Variants in CYP21A2 observed in about 807,000 individuals in gnomAD.
CYP21A2 encodes the protein steroid 21-hydroxylase.
CYP21A2 carries 24 observed loss-of-function variants against 47.4 expected under a neutral mutation model. The ratio of observed to expected loss-of-function variants is 0.51; its 90% confidence interval spans 0.37 to 0.71. The LOEUF is 0.71. Among genes scored for constraint, CYP21A2 ranks in the 30% least tolerant of loss-of-function variants. The pLI, the probability that CYP21A2 is intolerant of heterozygous loss-of-function variation, is 0.00. For missense variants in CYP21A2, 358 were observed against 643.2 expected (o/e 0.56, Z 4.80); for synonymous variants, 130 against 273.9 (o/e 0.47, Z 5.19).
Position 32,039,092 on chromosome 6 carries a change from A to G in CYP21A2, c.293-2A>G, listed in dbSNP as rs1582302625. 1 of 1,564,110 alleles carries G rather than the reference A, an allele frequency of 6.4e-7. No individual in the cohort carries two copies. The highest frequency in any genetic ancestry group is 2.4e-5 in the East Asian group (1 of 41,870). ...CCCTCCAGCCCCCACCTCCTCCTGC[A>G]GACAAGCTGGTGTCTAGGAACTACC... On this transcript the variant is annotated splice_acceptor_variant, in intron 2 of 9. Coordinates refer to ENST00000644719, the MANE Select transcript of CYP21A2 (RefSeq NM_000500.9). LOFTEE classifies it high-confidence loss of function.
chr6:32,038,514 C>T lies in CYP21A2; in HGVS notation c.92C>T (p.Pro31Leu), dbSNP rs9378251. The change falls in exon 1 of 10, where the codon CCG becomes CTG. Residue 31 changes from proline (P) to leucine (L), a missense_variant. Coordinates refer to ENST00000644719, the MANE Select transcript of CYP21A2 (RefSeq NM_000500.9). ...NWWKLRSLHL[P>L]PLAPGFLHLL... ...TGGAAGCTCCGGAGCCTCCACCTCC[C>T]GCCTCTTGCCCCGGGCTTCTTGCAC... The T allele has an allele frequency of 1.4e-4, 227 of 1,607,244 alleles. 2 individuals carry two copies. The highest frequency in any genetic ancestry group is 5.3e-4 in the African/African-American group (40 of 74,834).
At position 32,039,540 on chromosome 6, in the gene CYP21A2, T is replaced by C; in HGVS notation, c.550-6T>C. ...GAACTGAAAGTACTCCCTCCTTTTC[T>C]GGCAGGACGACAACTTAATGCCTGC... On this transcript the variant is annotated splice_region_variant and splice_polypyrimidine_tract_variant and intron_variant, in intron 4 of 9. Coordinates refer to ENST00000644719, the MANE Select transcript of CYP21A2 (RefSeq NM_000500.9). 3 of 1,585,506 alleles carry C rather than the reference T, an allele frequency of 1.9e-6. No individual in the cohort carries two copies. The highest frequency in any genetic ancestry group is 8.6e-7 in the Non-Finnish European group (1 of 1,164,704).
rs1243779391 is a variant in CYP21A2, at chr6:32,040,189, T to C, written c.923T>C (p.Leu308Ser). The C allele has an allele frequency of 6.2e-7, 1 of 1,612,786 alleles. No individual in the cohort carries two copies. Among genetic ancestry groups the C allele is most frequent in the Non-Finnish European group, 8.5e-7 (1 of 1,179,874 alleles). ...ACCCTCTCCTGGGCCGTGGTTTTTT[T>C]GCTTCACCACCCTGAGGTGCGTCCT... ...ANTLSWAVVF[L>S]LHHPEIQQRL... Residue 308 changes from leucine (L) to serine (S), a missense_variant, in exon 7 of 10, where the codon TTG becomes TCG. Transcript: ENST00000644719.
At position 32,039,164 on chromosome 6, in the gene CYP21A2, G is replaced by A. The variant is rs1186559414; in HGVS notation, c.363G>A (p.Lys121=). The part of the protein sequence containing the change: ...GDYSLLWKAH[K]KLTRSALLLG... ...ACTCCCTGCTCTGGAAAGCCCACAA[G>A]AAGCTCACCCGCTCAGCCCTGCTGC... Residue 121 remains lysine, a synonymous_variant, in exon 3 of 10, where the codon AAG becomes AAA. Transcript: ENST00000644719. 2 of 1,605,264 alleles carry A rather than the reference G, an allele frequency of 1.2e-6. No individual in the cohort carries two copies. The highest frequency in any genetic ancestry group is 1.7e-6 in the Non-Finnish European group (2 of 1,175,712).
Position 32,040,047 on chromosome 6 carries a change from A to G in CYP21A2, c.781A>G (p.Met261Val), listed in dbSNP as rs767558605. Residue 261 changes from methionine to valine, a missense_variant, in exon 7 of 10, where the codon ATG (methionine) becomes GTG (valine). Physicochemically the swap from Met to Val is conservative, Grantham distance 21. Coordinates refer to ENST00000644719, the MANE Select transcript of CYP21A2 (RefSeq NM_000500.9). The stretch of plus-strand genomic sequence containing the variant: ...CCAGTGGAGGGACATGATGGACTAC[A>G]TGCTCCAAGGGGTGGCGCAGCCGAG... ...AGQWRDMMDY[M>V]LQGVAQPSME... is the part of the protein sequence containing the mutation. 2.5e-6 allele frequency: 4 copies of G among 1,612,720 alleles called. No homozygotes were observed. The highest frequency in any genetic ancestry group is 1.1e-5 in the South Asian group (1 of 91,072).
At position 32,038,588 on chromosome 6, in the gene CYP21A2, T is replaced by G; in HGVS notation, c.166T>G (p.Phe56Val). The G allele has an allele frequency of 6.3e-7, 1 of 1,589,676 alleles. No homozygotes were observed. The highest frequency in any genetic ancestry group is 8.6e-7 in the Non-Finnish European group (1 of 1,166,962). The change falls in exon 1 of 10, where the codon TTC becomes GTC. Residue 56 changes from phenylalanine to valine, a missense_variant. Phe to Val is a conservative substitution (Grantham distance 50). Transcript: ENST00000644719. The stretch of plus-strand genomic sequence containing the variant: ...CTATCTGCTTGGCCTGACTCAGAAA[T>G]TCGGGCCCATCTACAGGCTCCACCT... ...PIYLLGLTQK[F>V]GPIYRLHLGL...
chr6:32,039,329 T>C lies in CYP21A2; in HGVS notation c.448-27T>C, dbSNP rs1554304920. 4 of 1,595,740 alleles carry C rather than the reference T, an allele frequency of 2.5e-6. No homozygotes were observed. The South Asian group carries it at 3.4e-5, about 13-fold the overall frequency. ...CCGCCCTGCCCGCTGCACAGCGGCC[T>C]GCTGAACTCACACTGTTTCTCCACA... On this transcript the variant is annotated intron_variant, in intron 3 of 9. Transcript: ENST00000644719.
At chr6:32,039,037 C>G (rs1336664162) in intron 2 of CYP21A2, 57 bp from the exon 3 acceptor site, 2 of 1,565,200 alleles carry the variant, frequency 1.3e-6, no homozygotes, top group Non-Finnish European at 1.7e-6. Flanking sequence ...CGAAGAAGGT[C>G]AGGCCCTCAG....
Position 32,040,473 on chromosome 6 carries a change from C to T in CYP21A2, c.1007C>T (p.Pro336Leu), listed in dbSNP as rs1776226305. The T allele has an allele frequency of 6.2e-7, 1 of 1,613,148 alleles. No homozygotes were observed. The highest frequency in any genetic ancestry group is 1.7e-5 in the Admixed American group (1 of 59,986). Residue 336 changes from proline to leucine, a missense_variant, in exon 8 of 10, where the codon CCC becomes CTC. Physicochemically the swap from Pro to Leu is moderately conservative, Grantham distance 98. Coordinates refer to ENST00000644719, the MANE Select transcript of CYP21A2 (RefSeq NM_000500.9). Reference sequence around the variant, plus strand: ...CCTGGTGCCTCCAGCTCCCGGGTCCCCTACAAGGACCGTGCACGGCTGCCC... The same window carrying T: ...CCTGGTGCCTCCAGCTCCCGGGTCCTCTACAAGGACCGTGCACGGCTGCCC... ...LGPGASSSRV[P>L]YKDRARLPLL...
Position 32,039,215 on chromosome 6 carries a change from A to T in CYP21A2, c.414A>T (p.Pro138=), listed in dbSNP as rs1375938872. 6.3e-7 allele frequency: 1 copy of T among 1,589,980 alleles called. No individual in the cohort carries two copies. The highest frequency in any genetic ancestry group is 8.6e-7 in the Non-Finnish European group (1 of 1,168,250). ...TGGGCATCCGTGACTCCATGGAGCC[A>T]GTGGTGGAGCAGCTGACCCAGGAGT... ...LLLGIRDSME[P]VVEQLTQEFC... Residue 138 remains proline (P), a synonymous_variant, in exon 3 of 10, where the codon CCA becomes CCT. Coordinates refer to ENST00000644719, the MANE Select transcript of CYP21A2 (RefSeq NM_000500.9).
At position 32,038,743 on chromosome 6, in the gene CYP21A2, A is replaced by G. The variant is rs1212654852; in HGVS notation, c.224A>G (p.Lys75Arg). ...GLQDVVVLNS[K>R]RTIEEAMVKK... is the part of the protein sequence containing the mutation. ...CCAGATGTGGTGGTGCTGAACTCCA[A>G]GAGGACCATTGAGGAAGCCATGGTC... is the stretch of plus-strand genomic sequence containing the variant. The change falls in exon 2 of 10, where the codon AAG becomes AGG. Residue 75 changes from lysine to arginine, a missense_variant. Physicochemically the swap from Lys to Arg is conservative, Grantham distance 26. Transcript: ENST00000644719. 8.4e-6 allele frequency: 12 copies of G among 1,433,544 alleles called. No individual in the cohort carries two copies. The highest frequency in any genetic ancestry group is 1.2e-5 in the South Asian group (1 of 84,672). The allele number at this position is 1,433,544 out of a possible 1,614,324, so 88.8% of individuals were successfully genotyped here.
Position 32,041,547 on chromosome 6 carries a change from C to T in CYP21A2, c.*413C>T. The T allele has an allele frequency of 1.9e-6, 2 of 1,075,112 alleles. 1 individual carries two copies. The highest frequency in any genetic ancestry group is 2.7e-5 in the South Asian group (2 of 73,432). The allele number at this position is 1,075,112 out of a possible 1,614,324, so 66.6% of individuals were successfully genotyped here. A position where few individuals can be genotyped will look rare whatever the true frequency, so the allele number is the denominator to read the frequency against. The stretch of plus-strand genomic sequence containing the variant: ...GTAGCTCCCAGCACTCAACCAACCT[C>T]CCCGCAGAGCTCCCTTCCTGACCCT... On this transcript the variant is annotated 3_prime_UTR_variant, in exon 10 of 10. Transcript: ENST00000644719.
Position 32,039,826 on chromosome 6 carries a change from G to C in CYP21A2, c.729G>C (p.Arg243Ser), listed in dbSNP as rs150496227. ...ATCACATCGTGGAGATGCAGCTGAG[G>C]CAGCACAAGGTGGGGACTGTACGTG... ...KRDHIVEMQL[R>S]QHKESLVAGQ... Residue 243 changes from arginine to serine, a missense_variant, in exon 6 of 10, where the codon AGG becomes AGC. By Grantham distance (110) the Arg-to-Ser change is moderately radical. Transcript: ENST00000644719. The C allele has an allele frequency of 4.3e-6, 7 of 1,613,698 alleles. No homozygotes were observed. The African/African-American group carries it at 9.3e-5, about 22-fold the overall frequency.
rs1233859696 is a variant in CYP21A2, at chr6:32,039,604, G to A, written c.608G>A (p.Ser203Asn). 2.5e-6 allele frequency: 4 copies of A among 1,571,362 alleles called. No individual in the cohort carries two copies. The highest frequency in any genetic ancestry group is 3.5e-6 in the Non-Finnish European group (4 of 1,156,622). Reference sequence around the variant, plus strand: ...ATCCAGGAGGTGTTAAAAACCTGGAGCCACTGGTCCATCCAAATTGTGGAC... The same window carrying A: ...ATCCAGGAGGTGTTAAAAACCTGGAACCACTGGTCCATCCAAATTGTGGAC... The part of the protein sequence containing the change: ...KCIQEVLKTW[S>N]HWSIQIVDVI... The change falls in exon 5 of 10, where the codon AGC becomes AAC. Residue 203 changes from serine to asparagine, a missense_variant. Coordinates refer to ENST00000644719, the MANE Select transcript of CYP21A2 (RefSeq NM_000500.9).
At chr6:32,039,021 G>A (rs750381801) in intron 2 of CYP21A2, 73 bp from the exon 3 acceptor site, 1 of 1,555,420 alleles carries the variant, frequency 6.4e-7, no homozygotes, top group Non-Finnish European at 8.7e-7. Context: ...CAGGGGTTGG[G>A]GAGGCCGAAG....
intron 2 of CYP21A2, 102 bp from the exon 3 acceptor site, chr6:32,038,992 A>G (rs1776039279): frequency 6.5e-7 from 1 of 1,547,018 alleles, no homozygotes; most frequent in African/African-American, 1.4e-5. Context: ...TTGGGGGGGC[A>G]TATCTGGTGG....
rs1776354730 is a variant in CYP21A2 at position 32,041,264 on chromosome 6, G to C, written c.*130G>C. On this transcript the variant is annotated 3_prime_UTR_variant, in exon 10 of 10. Transcript: ENST00000644719. ...AGAGAAGGCTTCCTCCAGCGGCTGG[G>C]TGGTGAAGGACCCTGGCTCTTCTCT... is the stretch of plus-strand genomic sequence containing the variant. 1 of 776,294 alleles carries C rather than the reference G, an allele frequency of 1.3e-6. No homozygotes were observed. The allele number at this position is 776,294 out of a possible 1,614,324, so 48.1% of individuals were successfully genotyped here.
In CYP21A2 at chr6:32,039,835, G is replaced by A. The variant is rs1441177352; in HGVS notation, c.738G>A (p.Lys246=). 6.2e-7 allele frequency: 1 copy of A among 1,613,652 alleles called. No individual in the cohort carries two copies. Residue 246 remains lysine (K), a splice_region_variant and synonymous_variant, in exon 6 of 10, where the codon AAG becomes AAA. Coordinates refer to ENST00000644719, the MANE Select transcript of CYP21A2 (RefSeq NM_000500.9). ...HIVEMQLRQH[K]ESLVAGQWRD... The stretch of plus-strand genomic sequence containing the variant: ...TGGAGATGCAGCTGAGGCAGCACAA[G>A]GTGGGGACTGTACGTGGACGGCCTC...
chr6:32,039,174 C>T lies in CYP21A2; in HGVS notation c.373C>T (p.Arg125Cys), dbSNP rs371412889. 6.2e-5 allele frequency: 100 copies of T among 1,606,900 alleles called. 1 individual carries two copies. In the South Asian group the frequency reaches 8.8e-4, roughly 14 times the overall value. ...CTGGAAAGCCCACAAGAAGCTCACC[C>T]GCTCAGCCCTGCTGCTGGGCATCCG... Reference protein sequence around the residue: ...LLWKAHKKLTRSALLLGIRDS... With the variant: ...LLWKAHKKLTCSALLLGIRDS... The change falls in exon 3 of 10, where the codon CGC (arginine) becomes TGC (cysteine). Residue 125 changes from arginine to cysteine, a missense_variant. Arg to Cys is a radical substitution (Grantham distance 180). Transcript: ENST00000644719.
Sources: gnomAD v4.1 joint callset for allele counts on GRCh38, gnomAD v4.1.1 for gene constraint, MANE v1.5 for transcripts, NCBI Gene and HGNC (gene_info 2026-07-23, HGNC 2026-07-21) for gene names.